The following SOCS7 variants were observed in gnomAD, a reference collection of about 807,000 sequenced individuals.
The protein encoded by SOCS7 is NAP-4.
A neutral mutation model predicts 58.9 loss-of-function variants in SOCS7; 18 were observed. The ratio of observed to expected loss-of-function variants is 0.31; its 90% CI spans 0.21 to 0.45. SOCS7 has a LOEUF of 0.45. Ranked by LOEUF, SOCS7 falls within the 20% of genes least tolerant of loss-of-function variation. The probability of loss-of-function intolerance (pLI) is 1.00; values close to 1 mark genes in which losing one functional copy is unlikely to be tolerated. For missense variants in SOCS7, 667 were observed against 837.3 expected (o/e 0.80, Z 2.51); for synonymous variants, 388 against 364.3 (o/e 1.06, Z -0.74).
rs111278870 is a variant in SOCS7, at chr17:38,404,859, G to A, written c.*5377G>A. 5.1e-4 allele frequency: 77 copies of A among 152,240 alleles called. No individual in the cohort carries two copies. The highest frequency in any genetic ancestry group is 1.8e-3 in the African/African-American group (73 of 41,458). 9.4% of individuals were successfully genotyped at this position (152,240 alleles called of 1,614,324 possible). A position where few individuals can be genotyped will look rare whatever the true frequency, so the allele number is the denominator to read the frequency against. Reference sequence around the variant, plus strand: ...CAGGTAGGGTCCAGGTGCCACTTTGGGTAGCTGGCTGTTGGAATGCCCACA... The same window carrying A: ...CAGGTAGGGTCCAGGTGCCACTTTGAGTAGCTGGCTGTTGGAATGCCCACA... On this transcript the variant is annotated 3_prime_UTR_variant, in exon 10 of 10. Transcript: ENST00000612932.
At chr17:38,372,920 A>G (rs2037886092) in intron 6 of SOCS7, among the ~76,000 whole-genome samples, 1 of 152,122 alleles carries the variant, frequency 6.6e-6, no homozygotes, top group African/African-American at 2.4e-5. Flanking sequence ...CAGCCTGACC[A>G]ACATGGAGAA....
intron 7 of SOCS7, among the ~76,000 whole-genome samples, chr17:38,394,335 G>C (rs1015605198): frequency 6.6e-6 from 1 of 152,026 alleles, no homozygotes; most frequent in Non-Finnish European, 1.5e-5. Context: ...ATCTTTTTTT[G>C]GTCTCCTGGC....
intron 7 of SOCS7, among the ~76,000 whole-genome samples, chr17:38,387,125 A>ATG (rs1208781265): frequency 2.5e-4 from 26 of 102,812 alleles, no homozygotes; most frequent in African/African-American, 6.1e-4. Flanking sequence ...ATATATATAT[A>ATG]TATGTATGTA....
intron 1 of SOCS7, among the ~76,000 whole-genome samples, chr17:38,353,447 C>T (rs571521177): frequency 1.3e-5 from 2 of 152,354 alleles, no homozygotes; most frequent in African/African-American, 4.8e-5. Context: ...AGCACCGCAC[C>T]TCCCTTCACA....
intron 7 of SOCS7, among the ~76,000 whole-genome samples, chr17:38,389,869 A>ATATATTTATATATG (rs2038135986): frequency 1.1e-5 from 1 of 89,908 alleles, no homozygotes; most frequent in South Asian, 3.0e-4. Context: ...ATGTGTGTAC[A>ATATATTTATATATG]TATATATATA....
At chr17:38,371,401 A>C (rs1202563002) in intron 6 of SOCS7, among the ~76,000 whole-genome samples, 1 of 151,786 alleles carries the variant, frequency 6.6e-6, no homozygotes, top group African/African-American at 2.4e-5. Flanking sequence ...CAGCCTCCTG[A>C]GTAGTTCCTG....
intron 6 of SOCS7, among the ~76,000 whole-genome samples, chr17:38,370,233 C>T (rs971909994): frequency 2.0e-5 from 3 of 152,110 alleles, no homozygotes; most frequent in Admixed American, 6.5e-5. Flanking sequence ...CCTAGCCTCA[C>T]GTGATCTGCC....
intron 6 of SOCS7, among the ~76,000 whole-genome samples, chr17:38,375,590 A>G (rs1182414841): frequency 6.6e-6 from 1 of 152,194 alleles, no homozygotes; most frequent in Admixed American, 6.6e-5. Flanking sequence ...TAAGGCTTTC[A>G]GTCAACAGTA....
chr17:38,400,568 C>T lies in SOCS7; in HGVS notation c.*1086C>T, dbSNP rs2038305593. The T allele has an allele frequency of 6.6e-6, 1 of 152,184 alleles. No individual in the cohort carries two copies. Among genetic ancestry groups the T allele is most frequent in the Non-Finnish European group, 1.5e-5 (1 of 68,046 alleles). 9.4% of individuals were successfully genotyped at this position (152,184 alleles called of 1,614,324 possible). A position where few individuals can be genotyped will look rare whatever the true frequency, so the allele number is the denominator to read the frequency against. The stretch of plus-strand genomic sequence containing the variant: ...GAGGAAGCTCTCAGAACGCAGCCCT[C>T]ACGGGATTTCCTTAGGTCAGAGGAG... On this transcript the variant is annotated 3_prime_UTR_variant, in exon 10 of 10. Transcript: ENST00000612932.
At position 38,401,496 on chromosome 17, in the gene SOCS7, A is replaced by AT. The variant is rs1382700945; in HGVS notation, c.*2020dup. On this transcript the variant is annotated 3_prime_UTR_variant, in exon 10 of 10. Coordinates refer to ENST00000612932, the MANE Select transcript of SOCS7 (RefSeq NM_014598.4). ...TTCAACCACCCATAATTTTAATATT[A>AT]TTTTTTAGTGTGTGTGTGCCTGGCT... The AT allele has an allele frequency of 1.3e-5, 2 of 151,920 alleles. No individual in the cohort carries two copies. Among genetic ancestry groups the AT allele is most frequent in the African/African-American group, 4.8e-5 (2 of 41,322 alleles). 9.4% of individuals were successfully genotyped at this position (151,920 alleles called of 1,614,324 possible). A position where few individuals can be genotyped will look rare whatever the true frequency, so the allele number is the denominator to read the frequency against.
chr17:38,366,610 C>G (rs587678834), intron 5 of SOCS7, among the ~76,000 whole-genome samples, 193 bp downstream of exon 5: 1 of 152,364 alleles, frequency 6.6e-6, no homozygotes, highest in East Asian at 1.9e-4. Context: ...CCTTCTGCCT[C>G]AGCCTCCTGA....
chr17:38,405,313 A>G lies in SOCS7; in HGVS notation c.*5831A>G, dbSNP rs562343012. On this transcript the variant is annotated 3_prime_UTR_variant, in exon 10 of 10. Coordinates refer to ENST00000612932, the MANE Select transcript of SOCS7 (RefSeq NM_014598.4). ...GGTGTGTTTTGGTATTTTTCTGGGGATAGAGGGGGTGGGGTTAGGGATGTC... is the reference window on the plus strand; with the variant it reads ...GGTGTGTTTTGGTATTTTTCTGGGGGTAGAGGGGGTGGGGTTAGGGATGTC... The G allele has an allele frequency of 6.6e-6, 1 of 151,868 alleles. No homozygotes were observed. Among genetic ancestry groups the G allele is most frequent in the South Asian group, 2.1e-4 (1 of 4,810 alleles). 9.4% of individuals were successfully genotyped at this position (151,868 alleles called of 1,614,324 possible). A position where few individuals can be genotyped will look rare whatever the true frequency, so the allele number is the denominator to read the frequency against.
intron 6 of SOCS7, among the ~76,000 whole-genome samples, chr17:38,372,654 C>A (rs2037882071): frequency 6.6e-6 from 1 of 152,174 alleles, no homozygotes; most frequent in South Asian, 2.1e-4. Context: ...TACTATGGGA[C>A]CCACTAGTGC....
chr17:38,361,239 G>T (rs1045928429), intron 1 of SOCS7, among the ~76,000 whole-genome samples: 3 of 152,244 alleles, frequency 2.0e-5, no homozygotes, highest in African/African-American at 4.8e-5. Flanking sequence ...CATGCATCCT[G>T]CAGTGCTATT....
intron 7 of SOCS7, among the ~76,000 whole-genome samples, chr17:38,392,419 G>A (rs1401887444): frequency 6.6e-6 from 1 of 152,114 alleles, no homozygotes; most frequent in Non-Finnish European, 1.5e-5. Context: ...ATCATGTTGA[G>A]TTTACCAGTA....
chr17:38,399,722 C>G lies in SOCS7; in HGVS notation c.*240C>G, dbSNP rs532016263. The G allele has an allele frequency of 6.6e-6, 1 of 152,646 alleles. No individual in the cohort carries two copies. Among genetic ancestry groups the G allele is most frequent in the East Asian group, 1.9e-4 (1 of 5,204 alleles). 9.5% of individuals were successfully genotyped at this position (152,646 alleles called of 1,614,324 possible). On this transcript the variant is annotated 3_prime_UTR_variant, in exon 10 of 10. Transcript: ENST00000612932. ...TGGGCATCTTAGGACTGGAGGGGCT[C>G]CTTGGAAAACTGGAAGAAGTCTCAA...
Position 38,401,439 on chromosome 17 carries a change from A to G in SOCS7, c.*1957A>G, listed in dbSNP as rs888553969. 1 of 151,740 alleles carries G rather than the reference A, an allele frequency of 6.6e-6. No individual in the cohort carries two copies. The highest frequency in any genetic ancestry group is 1.9e-4 in the East Asian group (1 of 5,182). The allele number at this position is 151,740 out of a possible 1,614,324, so 9.4% of individuals were successfully genotyped here. A position where few individuals can be genotyped will look rare whatever the true frequency, so the allele number is the denominator to read the frequency against. ...GTTGAGATCCTTGGGTGGCTGATAT[A>G]CAGCCTGGGATCTTTCTTTTTTTTG... On this transcript the variant is annotated 3_prime_UTR_variant, in exon 10 of 10. Coordinates refer to ENST00000612932, the MANE Select transcript of SOCS7 (RefSeq NM_014598.4).
intron 7 of SOCS7, among the ~76,000 whole-genome samples, chr17:38,391,664 G>T (rs1254708350): frequency 1.3e-5 from 2 of 152,126 alleles, no homozygotes; most frequent in Non-Finnish European, 2.9e-5. Flanking sequence ...GCCTCCCAAG[G>T]TGCTGGGATT....
intron 1 of SOCS7, among the ~76,000 whole-genome samples, chr17:38,361,024 C>T (rs755355670): frequency 6.6e-6 from 1 of 152,188 alleles, no homozygotes; most frequent in African/African-American, 2.4e-5. Flanking sequence ...ACCAAAAGAT[C>T]TGGGTTTTCA....
Sources: allele counts gnomAD v4.1 joint callset (sites outside exome capture counted in the v4.1 genomes callset), GRCh38; gene constraint gnomAD v4.1.1; transcripts MANE v1.5; gene names NCBI Gene and HGNC (gene_info 2026-07-23, HGNC 2026-07-21).